The following RAB5C variants were observed in gnomAD, a reference collection of about 807,000 sequenced individuals.
RAB5C encodes RAB5C, member RAS oncogene family.
A neutral mutation model predicts 25.2 loss-of-function variants in RAB5C; 4 were observed. The ratio of observed to expected loss-of-function variants is 0.16; its 90% CI spans 0.08 to 0.36. The LOEUF is 0.36. Among genes scored for constraint, RAB5C ranks in the 10% least tolerant of loss-of-function variants. RAB5C has a pLI of 1.00. For missense variants in RAB5C, 199 were observed against 283.8 expected (o/e 0.70, Z 2.15); for synonymous variants, 100 against 106.4 (o/e 0.94, Z 0.37).
At chr17:42,133,659 C>T (rs1399369333) in intron 1 of RAB5C, among the ~76,000 whole-genome samples, 2 of 152,168 alleles carry the variant, frequency 1.3e-5, no homozygotes, top group African/African-American at 2.4e-5. Context: ...CACTGGCTTT[C>T]GGCACCACAG....
chr17:42,144,584 C>T (rs887369635), intron 1 of RAB5C, among the ~76,000 whole-genome samples: 12 of 152,038 alleles, frequency 7.9e-5, no homozygotes, highest in Non-Finnish European at 1.2e-4. Flanking sequence ...GAGGCCGAAA[C>T]GGGTGGATCA....
chr17:42,130,645 G>A (rs1281516797), intron 1 of RAB5C, 55 bp from the exon 2 acceptor site: 1 of 1,459,602 alleles, frequency 6.9e-7, no homozygotes, highest in African/African-American at 1.4e-5. Flanking sequence ...CACCCGCTGT[G>A]TCCTTCTTAA....
chr17:42,130,938 A>G (rs1209115811), intron 1 of RAB5C, among the ~76,000 whole-genome samples: 1 of 152,314 alleles, frequency 6.6e-6, no homozygotes, highest in Admixed American at 6.5e-5. Flanking sequence ...GTGACAGTTA[A>G]GTCAACAGGC....
chr17:42,151,850 G>A (rs1003376214), intron 1 of RAB5C, among the ~76,000 whole-genome samples: 3 of 152,234 alleles, frequency 2.0e-5, no homozygotes, highest in Admixed American at 1.3e-4. Flanking sequence ...TCGGGTAGAC[G>A]CTGGGGAAGA....
At chr17:42,143,188 C>G (rs918094957) in intron 1 of RAB5C, among the ~76,000 whole-genome samples, 1 of 152,206 alleles carries the variant, frequency 6.6e-6, no homozygotes, top group African/African-American at 2.4e-5. Context: ...TTCCCAACTC[C>G]AGAGTCTCTA....
intron 1 of RAB5C, chr17:42,154,623 C>A (rs1279420558): frequency 1.3e-5 from 2 of 152,288 alleles, no homozygotes; most frequent in African/African-American, 4.8e-5. Flanking sequence ...GCAGGGGGAG[C>A]GGAACTTAGG....
chr17:42,151,296 A>G (rs2079669591), intron 1 of RAB5C, among the ~76,000 whole-genome samples: 1 of 152,012 alleles, frequency 6.6e-6, no homozygotes, highest in Admixed American at 6.6e-5. Flanking sequence ...AATTAGCCGG[A>G]CGTGGTGGTG....
intron 1 of RAB5C, among the ~76,000 whole-genome samples, chr17:42,147,149 AG>A (rs1315989651): frequency 1.4e-5 from 1 of 72,182 alleles, no homozygotes; most frequent in South Asian, 4.1e-4. Flanking sequence ...AAAGAAAGAG[AG>A]AGAGAGAGAG....
chr17:42,125,806 G>C lies in RAB5C; in HGVS notation c.628C>G (p.Arg210Gly). The change falls in exon 6 of 6, where the codon CGG (arginine) becomes GGG (glycine). Residue 210 changes from arginine to glycine, a missense_variant. Transcript: ENST00000346213. ...GCTCAGTTGCTGCAGCACTGGCTCC[G>C]GCTGGCTGGGTTGTTCTCCTGGAGG... is the stretch of plus-strand genomic sequence containing the variant. ...VDLQENNPAS[R>G]SQCCSN The C allele has an allele frequency of 6.2e-7, 1 of 1,607,930 alleles. No individual in the cohort carries two copies. The highest frequency in any genetic ancestry group is 8.5e-7 in the Non-Finnish European group (1 of 1,177,596).
At chr17:42,146,091 G>A (rs1174817394) in intron 1 of RAB5C, among the ~76,000 whole-genome samples, 2 of 152,146 alleles carry the variant, frequency 1.3e-5, no homozygotes, top group African/African-American at 4.8e-5. Flanking sequence ...ACAGGCGTGA[G>A]TCACCGCGCC....
intron 2 of RAB5C, among the ~76,000 whole-genome samples, chr17:42,129,745 A>G (rs2054466241): frequency 6.6e-6 from 1 of 152,214 alleles, no homozygotes; most frequent in South Asian, 2.1e-4. Context: ...AGAGTAGAGA[A>G]AGGATGACTC....
chr17:42,144,925 C>CAAAAAAAAAAAAAAA (rs544870361), intron 1 of RAB5C, among the ~76,000 whole-genome samples: 3 of 31,104 alleles, frequency 9.6e-5, no homozygotes, highest in East Asian at 1.2e-3. Context: ...GACTCCGTCT[C>CAAAAAAAAAAAAAAA]AAAAAAAAAA....
intron 1 of RAB5C, among the ~76,000 whole-genome samples, chr17:42,147,056 A>T (rs1040384008): frequency 1.5e-4 from 23 of 150,882 alleles, no homozygotes; most frequent in African/African-American, 5.6e-4. Context: ...AAGACAGAAA[A>T]AGAAAGAAAG....
chr17:42,127,547 CTTT>C (rs113883357), intron 4 of RAB5C, among the ~76,000 whole-genome samples: 6 of 142,990 alleles, frequency 4.2e-5, no homozygotes, highest in Non-Finnish European at 4.6e-5. Context: ...TTATTCTTTT[CTTT>C]TTTTTTTTTT....
chr17:42,139,879 G>A (rs1438967213), intron 1 of RAB5C, among the ~76,000 whole-genome samples: 1 of 152,212 alleles, frequency 6.6e-6, no homozygotes, highest in Non-Finnish European at 1.5e-5. Context: ...TTCTTCACCT[G>A]CCAATGCCAG....
intron 1 of RAB5C, chr17:42,136,361 T>C (rs1465521466): frequency 2.0e-5 from 3 of 152,312 alleles, no homozygotes; most frequent in East Asian, 1.9e-4. Flanking sequence ...TCCAGGCTTC[T>C]AGCTGGTTGC....
chr17:42,153,001 A>G (rs2079681960), intron 1 of RAB5C, among the ~76,000 whole-genome samples: 1 of 152,240 alleles, frequency 6.6e-6, no homozygotes, highest in South Asian at 2.1e-4. Flanking sequence ...TGACCAGATC[A>G]GAGAAACTAG....
intron 1 of RAB5C, among the ~76,000 whole-genome samples, chr17:42,145,808 T>C (rs908127980): frequency 2.0e-5 from 3 of 152,206 alleles, no homozygotes; most frequent in African/African-American, 7.2e-5. Flanking sequence ...TCTTTATTTT[T>C]TATTATTTTT....
intron 1 of RAB5C, among the ~76,000 whole-genome samples, chr17:42,154,333 T>G (rs2079692284): frequency 6.6e-6 from 1 of 152,066 alleles, no homozygotes; most frequent in Admixed American, 6.5e-5. Context: ...GTAAGTGACT[T>G]TAAACTCAGC....
Sources: allele counts gnomAD v4.1 joint callset (sites outside exome capture counted in the v4.1 genomes callset), GRCh38; gene constraint gnomAD v4.1.1; transcripts MANE v1.5; gene names NCBI Gene and HGNC (gene_info 2026-07-23, HGNC 2026-07-21).